The following ATP13A5 variants were observed in gnomAD, a reference collection of about 807,000 sequenced individuals.
The protein encoded by ATP13A5 is probable cation-transporting ATPase 13A5.
In ATP13A5, 149 loss-of-function variants were observed where a neutral mutation model predicts 150.2. The ratio of observed to expected loss-of-function variants is 0.99; its 90% confidence interval spans 0.87 to 1.14. The LOEUF is 1.14. Ranked by LOEUF, ATP13A5 falls within the 50% of genes most tolerant of loss-of-function variation. The probability of loss-of-function intolerance (pLI) is 0.00; values close to 1 mark genes in which losing one functional copy is unlikely to be tolerated. For missense variants in ATP13A5, 1,383 were observed against 1,449.3 expected (o/e 0.95, Z 0.74); for synonymous variants, 497 against 522.2 (o/e 0.95, Z 0.66).
chr3:193,378,074 ATGTGTGTGTG>A (rs5855484), intron 1 of ATP13A5, among the ~76,000 whole-genome samples: 1 of 150,690 alleles, frequency 6.6e-6, no homozygotes, highest in African/African-American at 2.4e-5. Flanking sequence ...TTATTTTTAA[ATGTGTGTGTG>A]TGTGTGTGTG....
intron 24 of ATP13A5, 92 bp from the exon 25 acceptor site, chr3:193,299,295 A>G (rs1342377245): frequency 5.3e-6 from 5 of 943,314 alleles, no homozygotes. Flanking sequence ...GTTAGGAGGC[A>G]GCTGTTACTT....
chr3:193,330,355 T>C (rs899386908), intron 12 of ATP13A5, among the ~76,000 whole-genome samples: 1 of 152,240 alleles, frequency 6.6e-6, no homozygotes, highest in Non-Finnish European at 1.5e-5. Context: ...ACCAGCATTG[T>C]ACACAGCAGT....
chr3:193,334,415 T>C (rs779352647), intron 10 of ATP13A5, among the ~76,000 whole-genome samples: 1 of 152,122 alleles, frequency 6.6e-6, no homozygotes, highest in Non-Finnish European at 1.5e-5. Context: ...GAGTTGGAGA[T>C]GTTATTAAGA....
chr3:193,347,871 G>A (rs1047278807), intron 7 of ATP13A5, among the ~76,000 whole-genome samples: 1 of 152,122 alleles, frequency 6.6e-6, no homozygotes, highest in African/African-American at 2.4e-5. Context: ...CTCTCCACCT[G>A]TGTGAGTGTA....
At chr3:193,279,343 A>G in intron 28 of ATP13A5, 23 bp downstream of exon 28, 25 of 1,556,668 alleles carry the variant, frequency 1.6e-5, no homozygotes, top group Non-Finnish European at 2.1e-5. Context: ...GTCATGCCAG[A>G]TGTGCAAATG....
chr3:193,298,263 T>C (rs1225640758), intron 25 of ATP13A5, among the ~76,000 whole-genome samples: 1 of 152,140 alleles, frequency 6.6e-6, no homozygotes, highest in African/African-American at 2.4e-5. Context: ...AGCAATTTCA[T>C]TGATTCAAAA....
intron 16 of ATP13A5, among the ~76,000 whole-genome samples, chr3:193,319,604 A>C (rs1719184785): frequency 6.6e-6 from 1 of 152,184 alleles, no homozygotes; most frequent in Admixed American, 6.5e-5. Flanking sequence ...GTGAGGAATA[A>C]ATTTCTGTTG....
Position 193,286,778 on chromosome 3 carries a change from C to A in ATP13A5, c.3024-1662G>T, listed in dbSNP as rs1054801150. On this transcript the variant is annotated intron_variant, in intron 26 of 29. Transcript: ENST00000342358. ...GTGAAAGGAAGAGTCACGTGTCTCT[C>A]TCTTTAAATAAAAAACTAGAAATGG... 2.0e-5 allele frequency among the ~76,000 whole-genome samples: 3 copies of A among 152,050 alleles called. No individual in the cohort carries two copies. The South Asian group carries it at 6.2e-4, about 32-fold the overall frequency.
chr3:193,325,934 A>G (rs1719452013), intron 13 of ATP13A5, among the ~76,000 whole-genome samples: 1 of 152,196 alleles, frequency 6.6e-6, no homozygotes, highest in African/African-American at 2.4e-5. Context: ...TGCTCTGGCC[A>G]ATAGATTCCT....
chr3:193,336,431 C>T (rs560785899), intron 9 of ATP13A5, among the ~76,000 whole-genome samples: 1 of 152,238 alleles, frequency 6.6e-6, no homozygotes, highest in South Asian at 2.1e-4. Flanking sequence ...TGTTCCCCTT[C>T]CTGTGTCCAA....
chr3:193,327,444 T>A (rs1463706794), intron 12 of ATP13A5, among the ~76,000 whole-genome samples: 2 of 152,192 alleles, frequency 1.3e-5, no homozygotes, highest in Non-Finnish European at 2.9e-5. Context: ...CATTTTTTTT[T>A]GTTCATTTTC....
chr3:193,283,212 G>A lies in ATP13A5; in HGVS notation c.3226+1702C>T, dbSNP rs117014408. ...GTCAATAAAAGCTGCTAGAAAAACC[G>A]GTTGACTAGTTGGAGCAACTTGTTT... On this transcript the variant is annotated intron_variant, in intron 27 of 29. Transcript: ENST00000342358. Among the ~76,000 whole-genome samples the A allele has an allele frequency of 6.9e-4, 105 of 152,136 alleles. 1 individual carries two copies. In the East Asian group the frequency reaches 7.2e-3, roughly 10 times the overall value.
chr3:193,368,578 C>A (rs915508294), intron 1 of ATP13A5, among the ~76,000 whole-genome samples: 2 of 152,004 alleles, frequency 1.3e-5, no homozygotes, highest in Admixed American at 1.3e-4. Flanking sequence ...GGTATACACA[C>A]AAGTATAAAC....
chr3:193,314,834 T>G, intron 18 of ATP13A5, 138 bp downstream of exon 18: 1 of 1,072,814 alleles, frequency 9.3e-7, no homozygotes, highest in South Asian at 1.7e-5. Context: ...TGTTTTTAGG[T>G]AAGGGACTAC....
In ATP13A5 at chr3:193,279,360, A is replaced by G; in HGVS notation, c.3315+6T>C. On this transcript the variant is annotated splice_donor_region_variant and intron_variant, in intron 28 of 29. Transcript: ENST00000342358. ...CATGCCAGATGTGCAAATGAATGCCACTTACCTCCATTCCACGGTATATAA... is the reference window on the plus strand; with the variant it reads ...CATGCCAGATGTGCAAATGAATGCCGCTTACCTCCATTCCACGGTATATAA... 1 of 1,609,788 alleles carries G rather than the reference A, an allele frequency of 6.2e-7. No individual in the cohort carries two copies. Among genetic ancestry groups the G allele is most frequent in the South Asian group, 1.1e-5 (1 of 90,990 alleles).
rs144215935 is a variant in ATP13A5 at position 193,333,671 on chromosome 3, A to T, written c.1272+79T>A. ...TCACAGAATGATGGGATCAAGATGTAACCTAAACCAATCCTCTGAGTTAGG... is the reference window on the plus strand; with the variant it reads ...TCACAGAATGATGGGATCAAGATGTTACCTAAACCAATCCTCTGAGTTAGG... On this transcript the variant is annotated intron_variant, in intron 11 of 29. Coordinates refer to ENST00000342358, the MANE Select transcript of ATP13A5 (RefSeq NM_198505.4). 3.7e-6 allele frequency: 5 copies of T among 1,354,086 alleles called. No individual in the cohort carries two copies. The African/African-American group carries it at 7.3e-5, about 20-fold the overall frequency. The allele number at this position is 1,354,086 out of a possible 1,614,324, so 83.9% of individuals were successfully genotyped here. A position where few individuals can be genotyped will look rare whatever the true frequency, so the allele number is the denominator to read the frequency against.
At chr3:193,285,189 T>G in intron 26 of ATP13A5, 73 bp from the exon 27 acceptor site, 2 of 1,249,062 alleles carry the variant, frequency 1.6e-6, no homozygotes, top group South Asian at 1.4e-5. Flanking sequence ...AAAAAATAAT[T>G]TAATCACTAC....
At chr3:193,359,427 C>A (rs552663966) in intron 5 of ATP13A5, among the ~76,000 whole-genome samples, 1 of 152,256 alleles carries the variant, frequency 6.6e-6, no homozygotes. Flanking sequence ...TTCTTTCTCT[C>A]TTTTCTGATG....
Position 193,279,543 on chromosome 3 carries a change from G to A in ATP13A5, c.3227-89C>T, listed in dbSNP as rs1275183644. 5.3e-6 allele frequency: 5 copies of A among 937,692 alleles called. No individual in the cohort carries two copies. The Admixed American group carries it at 5.9e-5, about 11-fold the overall frequency. The allele number at this position is 937,692 out of a possible 1,614,324, so 58.1% of individuals were successfully genotyped here. A position where few individuals can be genotyped will look rare whatever the true frequency, so the allele number is the denominator to read the frequency against. ...TTGCAGAATCAATTATCTCTGTTGG[G>A]CAAATACCAGATATATCTTCAGATG... On this transcript the variant is annotated intron_variant, in intron 27 of 29. Transcript: ENST00000342358.
Sources: gnomAD v4.1 joint callset for allele counts (sites outside exome capture counted in the v4.1 genomes callset) on GRCh38, gnomAD v4.1.1 for gene constraint, MANE v1.5 for transcripts, NCBI Gene and HGNC (gene_info 2026-07-23, HGNC 2026-07-21) for gene names.